The following ZBBX variants were observed in gnomAD, a reference collection of about 807,000 sequenced individuals.
ZBBX encodes zinc finger B-box domain containing.
ZBBX carries 101 observed loss-of-function variants against 108.5 expected under a neutral mutation model. The observed-to-expected ratio is 0.93, with a 90% confidence interval of 0.79 to 1.10. The LOEUF is 1.10. Among genes scored for constraint, ZBBX ranks in the 50% least tolerant of loss-of-function variants. The pLI is 0.00. For missense variants in ZBBX, 1,009 were observed against 941.4 expected, an observed-to-expected ratio of 1.07 and a Z score of -0.94; for synonymous variants, 356 against 323.4, an observed-to-expected ratio of 1.10 and a Z score of -1.08.
the ZBBX span, among the ~76,000 whole-genome samples, chr3:167,181,298 ATTG>A: frequency 1.3e-5 from 2 of 152,132 alleles, no homozygotes; most frequent in Admixed American, 6.5e-5. Context: ...TGTGCTCTCC[ATTG>A]TTGTAATAAA....
the ZBBX span, among the ~76,000 whole-genome samples, chr3:167,202,448 G>A: frequency 3.9e-5 from 6 of 152,068 alleles, no homozygotes; most frequent in African/African-American, 9.6e-5. Flanking sequence ...TAATCAATAT[G>A]ATCAAGTAAT....
rs1484496259 is a variant in ZBBX at position 167,317,021 on chromosome 3, A to G, written c.1178T>C (p.Ile393Thr). The change falls in exon 14 of 22, where the codon ATA becomes ACA. Residue 393 changes from isoleucine (I) to threonine (T), a missense_variant. Coordinates refer to ENST00000675490, the MANE Select transcript of ZBBX (RefSeq NM_001199201.2). ...TGCACTTACATCATCCAGTTCGACT[A>G]TCTTTAGAGATGGTTCAGGTCTCTC... ...NIERPEPSLK[I>T]VELDDTYEEE... The G allele has an allele frequency of 2.5e-6, 4 of 1,602,958 alleles. No homozygotes were observed. The South Asian group carries it at 3.3e-5, about 13-fold the overall frequency.
intron 20 of ZBBX, 118 bp downstream of exon 20, chr3:167,282,120 G>A (rs1728911353): frequency 2.7e-6 from 3 of 1,111,960 alleles, no homozygotes. Context: ...GATGGTTAAA[G>A]AAGAAAAAGG....
the ZBBX span, among the ~76,000 whole-genome samples, chr3:167,179,346 G>A: frequency 5.9e-5 from 9 of 152,204 alleles, no homozygotes; most frequent in African/African-American, 1.2e-4. Flanking sequence ...CTGTATTTGC[G>A]TTTGAGACCA....
At chr3:167,356,450 A>C (rs1393548215) in intron 8 of ZBBX, among the ~76,000 whole-genome samples, 1 of 152,138 alleles carries the variant, frequency 6.6e-6, no homozygotes, top group East Asian at 1.9e-4. Context: ...TATAGATTTA[A>C]GTCAGAAATG....
chr3:167,407,728 T>C (rs1394110881), exon 1 of ZBBX, among the ~76,000 whole-genome samples: 1 of 152,078 alleles, frequency 6.6e-6, no homozygotes, highest in African/African-American at 2.4e-5. Flanking sequence ...GTCTTTACCT[T>C]GAGTAGGCTG....
the ZBBX span, among the ~76,000 whole-genome samples, chr3:167,198,843 A>T: frequency 6.6e-6 from 1 of 152,224 alleles, no homozygotes; most frequent in Non-Finnish European, 1.5e-5. Context: ...AGGATTCAGA[A>T]GTTTGGGTAG....
the ZBBX span, among the ~76,000 whole-genome samples, chr3:167,231,455 CCT>C: frequency 6.6e-6 from 1 of 151,566 alleles, no homozygotes; most frequent in African/African-American, 2.4e-5. Context: ...ACTAAGATGA[CCT>C]CTGAGAAATA....
At chr3:167,331,276 G>T (rs934075755) in intron 10 of ZBBX, among the ~76,000 whole-genome samples, 2 of 152,040 alleles carry the variant, frequency 1.3e-5, no homozygotes, top group African/African-American at 4.8e-5. Context: ...TAGGTAGGGC[G>T]CCTCCAACAA....
chr3:167,378,112 C>T (rs1747251598), intron 2 of ZBBX, among the ~76,000 whole-genome samples: 1 of 152,190 alleles, frequency 6.6e-6, no homozygotes, highest in South Asian at 2.1e-4. Context: ...CCCTGCAGAA[C>T]TGTGAATCAA....
chr3:167,311,673 A>G (rs1304645076), intron 16 of ZBBX, among the ~76,000 whole-genome samples: 1 of 152,180 alleles, frequency 6.6e-6, no homozygotes. Context: ...AAATAAGCAT[A>G]TTAAAAGATT....
At chr3:167,221,080 A>T in the ZBBX span, among the ~76,000 whole-genome samples, 2 of 152,008 alleles carry the variant, frequency 1.3e-5, no homozygotes, top group Non-Finnish European at 2.9e-5. Context: ...AAAAATAGAA[A>T]GATATTTTAT....
chr3:167,383,832 C>T (rs148717261), upstream of ZBBX, among the ~76,000 whole-genome samples: 300 of 152,148 alleles, frequency 2.0e-3, 1 homozygote, highest in African/African-American at 6.8e-3. Flanking sequence ...ACAAAGACAC[C>T]GTCTCTGTCC....
intron 19 of ZBBX, 86 bp downstream of exon 19, chr3:167,288,781 C>T: frequency 1.6e-6 from 1 of 635,790 alleles, no homozygotes. Context: ...AACTAAATTG[C>T]AGGTGCCTAC....
At chr3:167,404,480 T>G (rs1369597363) in intron 1 of ZBBX, among the ~76,000 whole-genome samples, 4 of 152,060 alleles carry the variant, frequency 2.6e-5, no homozygotes, top group Non-Finnish European at 5.9e-5. Flanking sequence ...AGATTTTATT[T>G]GGGTGATGTC....
chr3:167,271,619 T>C (rs1185735091), intron 20 of ZBBX, among the ~76,000 whole-genome samples: 1 of 152,140 alleles, frequency 6.6e-6, no homozygotes, highest in Middle Eastern at 3.2e-3. Context: ...TGTGACGTAG[T>C]TCTCAGAGTT....
At chr3:167,276,731 G>A in intron 20 of ZBBX, among the ~76,000 whole-genome samples, 1 of 152,164 alleles carries the variant, frequency 6.6e-6, no homozygotes, top group Non-Finnish European at 1.5e-5. Flanking sequence ...TCAGATTCAG[G>A]AAATATAGAG....
the ZBBX span, among the ~76,000 whole-genome samples, chr3:167,215,396 C>T: frequency 6.6e-6 from 1 of 152,046 alleles, no homozygotes; most frequent in East Asian, 1.9e-4. Flanking sequence ...GGATATATTC[C>T]TGGACACATA....
chr3:167,224,886 T>TC, the ZBBX span, among the ~76,000 whole-genome samples: 1 of 151,796 alleles, frequency 6.6e-6, no homozygotes, highest in Non-Finnish European at 1.5e-5. Context: ...TAGCCTAATA[T>TC]CCCCTTCTTT....
Sources: allele counts gnomAD v4.1 joint callset (sites outside exome capture counted in the v4.1 genomes callset), GRCh38; gene constraint gnomAD v4.1.1; transcripts MANE v1.5; gene names NCBI Gene and HGNC (gene_info 2026-07-23, HGNC 2026-07-21).